Variants in HS3ST4 observed in about 807,000 individuals in gnomAD.
HS3ST4 encodes the protein heparan sulfate glucosamine 3-O-sulfotransferase 4.
A neutral mutation model predicts 29.2 loss-of-function variants in HS3ST4; 17 were observed. That is an observed-to-expected ratio of 0.58 (90% CI 0.40 to 0.87). HS3ST4 has a LOEUF of 0.87. Among genes scored for constraint, HS3ST4 ranks in the 40% least tolerant of loss-of-function variants. The pLI is 0.00. For synonymous variants in HS3ST4, 314 were observed against 285.7 expected (o/e 1.10, Z -1.00); for missense variants, 627 against 634.5 (o/e 0.99, Z 0.13).
At chr16:25,715,354 A>C (rs1966446916) in intron 1 of HS3ST4, among the ~76,000 whole-genome samples, 1 of 151,140 alleles carries the variant, frequency 6.6e-6, no homozygotes, top group Non-Finnish European at 1.5e-5. Flanking sequence ...AACCAAAAAA[A>C]AAAAAAACTC....
At chr16:25,975,243 G>C (rs186471900) in intron 1 of HS3ST4, among the ~76,000 whole-genome samples, 3 of 142,710 alleles carry the variant, frequency 2.1e-5, no homozygotes, top group Non-Finnish European at 4.6e-5. Flanking sequence ...TAAACATTGG[G>C]TATACATGGA....
At chr16:26,004,854 G>A (rs1188732275) in intron 1 of HS3ST4, among the ~76,000 whole-genome samples, 1 of 152,070 alleles carries the variant, frequency 6.6e-6, no homozygotes, top group East Asian at 1.9e-4. Context: ...AGACTCCTTG[G>A]TCACTTGTTT....
chr16:25,899,902 T>A (rs1300107413), intron 1 of HS3ST4, among the ~76,000 whole-genome samples: 1 of 152,106 alleles, frequency 6.6e-6, no homozygotes, highest in Non-Finnish European at 1.5e-5. Flanking sequence ...GATGGGTCAA[T>A]ATAACAAGGA....
intron 1 of HS3ST4, among the ~76,000 whole-genome samples, chr16:25,800,100 T>G (rs868568809): frequency 1.3e-4 from 20 of 149,716 alleles, no homozygotes; most frequent in South Asian, 6.3e-4. Flanking sequence ...CTGCCTTCCT[T>G]CCTTCCTGCC....
At chr16:25,909,493 A>G (rs899631613) in intron 1 of HS3ST4, among the ~76,000 whole-genome samples, 2 of 152,136 alleles carry the variant, frequency 1.3e-5, no homozygotes, top group Admixed American at 6.5e-5. Context: ...CTGCATTTCT[A>G]AGGAGCTCCC....
chr16:25,963,155 C>T (rs4238930), intron 1 of HS3ST4, among the ~76,000 whole-genome samples: 32,205 of 152,042 alleles, frequency 0.21, 3,883 homozygotes, highest in African/African-American at 0.33. Context: ...TGACATCATC[C>T]CCGTATCCCA....
chr16:26,130,011 G>T (rs1473367119), intron 1 of HS3ST4, among the ~76,000 whole-genome samples: 1 of 152,194 alleles, frequency 6.6e-6, no homozygotes, highest in Non-Finnish European at 1.5e-5. Context: ...TCCAGTCTGG[G>T]CAACAGAGTG....
At chr16:26,056,151 A>G (rs1898405420) in intron 1 of HS3ST4, among the ~76,000 whole-genome samples, 1 of 152,032 alleles carries the variant, frequency 6.6e-6, no homozygotes, top group African/African-American at 2.4e-5. Flanking sequence ...TTCCCCTCCC[A>G]ATTGACTCAG....
At chr16:26,095,971 A>G (rs1413711863) in intron 1 of HS3ST4, among the ~76,000 whole-genome samples, 1 of 152,178 alleles carries the variant, frequency 6.6e-6, no homozygotes, top group Admixed American at 6.5e-5. Flanking sequence ...AACTGCCATC[A>G]GAGAATACTA....
intron 1 of HS3ST4, among the ~76,000 whole-genome samples, chr16:25,838,746 A>ATGGCTC (rs1967385787): frequency 1.3e-5 from 2 of 152,174 alleles, no homozygotes; most frequent in South Asian, 2.1e-4. Flanking sequence ...GCCCACTGAG[A>ATGGCTC]TGGCTCTTAA....
intron 1 of HS3ST4, among the ~76,000 whole-genome samples, chr16:25,959,049 TGAG>T (rs1402797636): frequency 6.6e-6 from 1 of 152,220 alleles, no homozygotes; most frequent in Non-Finnish European, 1.5e-5. Flanking sequence ...GGTCACCACA[TGAG>T]GAGTTGGGAG....
chr16:26,083,785 C>T (rs1426803904), intron 1 of HS3ST4, among the ~76,000 whole-genome samples: 2 of 151,844 alleles, frequency 1.3e-5, no homozygotes, highest in Non-Finnish European at 2.9e-5. Context: ...CTCACATGTG[C>T]CCTAAGTAAG....
chr16:25,813,273 G>A (rs1236686788), intron 1 of HS3ST4, among the ~76,000 whole-genome samples: 2 of 152,102 alleles, frequency 1.3e-5, no homozygotes, highest in East Asian at 1.9e-4. Flanking sequence ...GCAAACACAA[G>A]CCAACCAACA....
chr16:26,015,426 C>A (rs1023568817), intron 1 of HS3ST4, among the ~76,000 whole-genome samples: 3 of 152,164 alleles, frequency 2.0e-5, no homozygotes, highest in African/African-American at 7.2e-5. Context: ...TCAATATATG[C>A]CAATATGTGT....
intron 1 of HS3ST4, among the ~76,000 whole-genome samples, chr16:25,810,550 G>A (rs921646122): frequency 1.3e-5 from 2 of 152,164 alleles, no homozygotes; most frequent in Admixed American, 6.5e-5. Context: ...TGAGAATAGG[G>A]TGTTGACGCC....
intron 1 of HS3ST4, among the ~76,000 whole-genome samples, chr16:26,122,848 A>G (rs1179813761): frequency 6.6e-6 from 1 of 152,088 alleles, no homozygotes; most frequent in Non-Finnish European, 1.5e-5. Flanking sequence ...TGAGGTCAGG[A>G]GTTTGAGACC....
chr16:25,762,625 G>A (rs910125630), intron 1 of HS3ST4, among the ~76,000 whole-genome samples: 1 of 152,040 alleles, frequency 6.6e-6, no homozygotes, highest in African/African-American at 2.4e-5. Flanking sequence ...CCCAGCACTT[G>A]GGAGGCTGAG....
chr16:26,013,700 A>G (rs149998699), intron 1 of HS3ST4, among the ~76,000 whole-genome samples: 80 of 152,280 alleles, frequency 5.3e-4, no homozygotes, highest in Admixed American at 1.2e-3. Context: ...GATGTTCTCA[A>G]ACTACACTGT....
intron 1 of HS3ST4, among the ~76,000 whole-genome samples, chr16:26,079,295 G>C (rs541205097): frequency 6.6e-6 from 1 of 152,236 alleles, no homozygotes; most frequent in Non-Finnish European, 1.5e-5. Flanking sequence ...GCTTTTGGCA[G>C]CATGCAAATG....
Sources: gnomAD v4.1 joint callset for allele counts (sites outside exome capture counted in the v4.1 genomes callset) on GRCh38, gnomAD v4.1.1 for gene constraint, MANE v1.5 for transcripts, NCBI Gene and HGNC (gene_info 2026-07-23, HGNC 2026-07-21) for gene names.